The following TRPM2 variants were observed in gnomAD, a reference collection of about 807,000 sequenced individuals.
TRPM2 encodes the protein transient receptor potential cation channel subfamily M member 2.
A neutral mutation model predicts 174.0 loss-of-function variants in TRPM2; 161 were observed. The observed-to-expected ratio is 0.93, with a 90% CI of 0.81 to 1.05. The LOEUF is 1.05. Among genes scored for constraint, TRPM2 ranks in the 50% least tolerant of loss-of-function variants. The pLI, the probability that TRPM2 is intolerant of heterozygous loss-of-function variation, is 0.00. For missense variants in TRPM2, 2,057 were observed against 2,038.0 expected (o/e 1.01, Z -0.18); for synonymous variants, 954 against 861.3 (o/e 1.11, Z -1.88).
Position 44,439,155 on chromosome 21 carries a change from A to G in TRPM2, c.4256A>G (p.Lys1419Arg), listed in dbSNP as rs2051394144. The G allele has an allele frequency of 6.2e-7, 1 of 1,613,554 alleles. No homozygotes were observed. The highest frequency in any genetic ancestry group is 8.5e-7 in the Non-Finnish European group (1 of 1,179,702). Residue 1419 changes from lysine (K) to arginine (R), a missense_variant, in exon 30 of 32, where the codon AAG becomes AGG. Physicochemically the swap from Lys to Arg is conservative, Grantham distance 26. Transcript: ENST00000397928. The surrounding 1 kb of genome is among the most constrained non-coding windows in gnomAD (Gnocchi z 5.1). ...TGGCCGTCTTTTGAAAACTTGCTGA[A>G]GTGCGGCATGGAGGTATTCCTGGCC... ...EHWPSFENLL[K>R]CGMEVYKGYM...
At chr21:44,409,673 T>C (rs1333584547) in intron 19 of TRPM2, among the ~76,000 whole-genome samples, 11 of 30,060 alleles carry the variant, frequency 3.7e-4, no homozygotes, top group African/African-American at 6.8e-4. Flanking sequence ...ACTGTCTTGG[T>C]GTAGCCTTGT....
chr21:44,426,513 G>A (rs2050784541), intron 25 of TRPM2, 147 bp from the exon 26 acceptor site: 5 of 838,672 alleles, frequency 6.0e-6, no homozygotes, highest in Non-Finnish European at 9.8e-6. Context: ...CTGGCACCCG[G>A]ATCTGCCCAG....
rs147950813 is a variant in TRPM2 at position 44,406,764 on chromosome 21, C to A, written c.2961C>A (p.Asp987Glu). The A allele has an allele frequency of 1.6e-5, 25 of 1,598,134 alleles. No homozygotes were observed. Among genetic ancestry groups the A allele is most frequent in the Middle Eastern group, 2.3e-4 (1 of 4,440 alleles). Residue 987 changes from aspartate to glutamate, a missense_variant and splice_region_variant, in exon 19 of 32, where the codon GAC (aspartate) becomes GAA (glutamate). Coordinates refer to ENST00000397928, the MANE Select transcript of TRPM2 (RefSeq NM_003307.4). ...TCGGGCAGATCCCGGGCTACATCGA[C>A]GGTAGGAGCCGGGCGCCATGGGAGC... ...TIFGQIPGYI[D>E]GVNFNPEHCS...
chr21:44,356,345 G>A (rs573619185), intron 2 of TRPM2, among the ~76,000 whole-genome samples: 11 of 151,324 alleles, frequency 7.3e-5, no homozygotes, highest in Middle Eastern at 3.4e-3. Flanking sequence ...CTCCAGCCTC[G>A]GAGCTCACCC....
rs1601184551 is a variant in TRPM2, at chr21:44,409,583, GCA to G, written c.2962+2820_2962+2821del. ...CATAGCCTTGTAGTAAGTTTTGACC[GCA>G]CTGTCTTGGTTGGCGTAGCCTTGTA... On this transcript the variant is annotated intron_variant, in intron 19 of 31. Coordinates refer to ENST00000397928, the MANE Select transcript of TRPM2 (RefSeq NM_003307.4). Among the ~76,000 whole-genome samples the G allele has an allele frequency of 7.6e-5, 11 of 144,572 alleles. 1 individual carries two copies. Among genetic ancestry groups the G allele is most frequent in the East Asian group, 2.2e-4 (1 of 4,636 alleles). 94.8% of individuals were successfully genotyped at this position (144,572 alleles called of 152,430 possible).
chr21:44,398,639 G>A (rs533262761), intron 13 of TRPM2, among the ~76,000 whole-genome samples: 62 of 152,226 alleles, frequency 4.1e-4, no homozygotes, highest in African/African-American at 1.4e-3. Context: ...CACAGGGGTC[G>A]AAGTGGGTTC....
intron 27 of TRPM2, among the ~76,000 whole-genome samples, chr21:44,430,154 C>G (rs1195983769): frequency 1.3e-5 from 2 of 152,110 alleles, no homozygotes; most frequent in Non-Finnish European, 2.9e-5. Flanking sequence ...AGTTAATTTA[C>G]TAACATTTTA....
At chr21:44,435,854 T>C (rs868533177) in intron 28 of TRPM2, among the ~76,000 whole-genome samples, 131 of 71,276 alleles carry the variant, frequency 1.8e-3, no homozygotes, top group African/African-American at 4.8e-3. Flanking sequence ...CCCCTCAGAC[T>C]CACTCTCCAC....
rs113161087 is a variant in TRPM2, at chr21:44,399,032, A to G, written c.2063-264A>G. Among the ~76,000 whole-genome samples the G allele has an allele frequency of 6.6e-6, 1 of 152,086 alleles. No individual in the cohort carries two copies. The highest frequency in any genetic ancestry group is 6.5e-5 in the Admixed American group (1 of 15,276). Reference sequence around the variant, plus strand: ...GGGCAGCTTGGAGGTTAGAGGCAAGATGGAGTCCATTAGGTCAGTTCTCGG... The same window carrying G: ...GGGCAGCTTGGAGGTTAGAGGCAAGGTGGAGTCCATTAGGTCAGTTCTCGG... On this transcript the variant is annotated intron_variant, in intron 13 of 31. Transcript: ENST00000397928. This position sits in a 1 kb window ranked among gnomAD's most constrained non-coding sequence, Gnocchi z 4.6.
rs764403590 is a variant in TRPM2 at position 44,425,797 on chromosome 21, C to G, written c.3765C>G (p.Phe1255Leu). Residue 1255 changes from phenylalanine to leucine, a missense_variant, in exon 25 of 32, where the codon TTC becomes TTG. Transcript: ENST00000397928. ...ACCCCAACTGCCCTGTCACGCGCTT[C>G]CCCGTGCCCAACGAGAAGGTGCCCT... The part of the protein sequence containing the change: ...LLYPNCPVTR[F>L]PVPNEKVPWE... 1 of 1,581,854 alleles carries G rather than the reference C, an allele frequency of 6.3e-7. No individual in the cohort carries two copies. The highest frequency in any genetic ancestry group is 1.7e-5 in the Admixed American group (1 of 58,582).
chr21:44,365,183 G>T (rs111406792), intron 3 of TRPM2, among the ~76,000 whole-genome samples: 26,653 of 151,560 alleles, frequency 0.18, 2,306 homozygotes, highest in Non-Finnish European at 0.2. Context: ...AGACTTGCAT[G>T]TTGACCAGCC....
At position 44,417,775 on chromosome 21, in the gene TRPM2, T is replaced by C. The variant is rs369626245; in HGVS notation, c.3147-152T>C. The C allele has an allele frequency of 4.9e-3, 3,303 of 678,220 alleles. 32 individuals are homozygous for C. Among genetic ancestry groups the C allele is most frequent in the Middle Eastern group, 0.033 (83 of 2,516 alleles). The allele number at this position is 678,220 out of a possible 1,614,324, so 42.0% of individuals were successfully genotyped here. A position where few individuals can be genotyped will look rare whatever the true frequency, so the allele number is the denominator to read the frequency against. The stretch of plus-strand genomic sequence containing the variant: ...GCTCTCTGTGACATCACAGTGGGCA[T>C]GTGGGTGTGGCTCTGCTCTCTGTGG... On this transcript the variant is annotated intron_variant, in intron 20 of 31. Transcript: ENST00000397928.
At chr21:44,365,870 G>T (rs1407533985) in intron 3 of TRPM2, among the ~76,000 whole-genome samples, 1 of 152,246 alleles carries the variant, frequency 6.6e-6, no homozygotes, top group East Asian at 1.9e-4. Context: ...ACCTCCAGAT[G>T]CCTGGTGGAC....
chr21:44,397,002 G>T (rs2049448926), intron 12 of TRPM2, among the ~76,000 whole-genome samples: 1 of 151,412 alleles, frequency 6.6e-6, no homozygotes, highest in Admixed American at 6.6e-5. Flanking sequence ...GGGGCACCTG[G>T]AGTTGGAGAA....
intron 29 of TRPM2, 143 bp downstream of exon 29, chr21:44,437,310 G>A: frequency 2.9e-6 from 2 of 680,014 alleles, no homozygotes; most frequent in Non-Finnish European, 2.5e-6. Context: ...GACCCCGCCT[G>A]TTTTGTCTGT....
intron 7 of TRPM2, 135 bp from the exon 8 acceptor site, chr21:44,378,862 A>G (rs1260296006): frequency 1.0e-6 from 1 of 973,176 alleles, no homozygotes; most frequent in Non-Finnish European, 1.5e-6. Context: ...CACGAAACTA[A>G]TAAGTGCTTT....
chr21:44,354,607 T>C lies in TRPM2; in HGVS notation c.166-41T>C. ...TCTCCAGGGGGCTGGGTGTGCTCTT[T>C]CGAATGTTGGAAGATCTCAGTGTGC... On this transcript the variant is annotated intron_variant, in intron 1 of 31. Transcript: ENST00000397928. This position sits in a 1 kb window ranked among gnomAD's most constrained non-coding sequence, Gnocchi z 4.3. The C allele has an allele frequency of 3.8e-6, 6 of 1,579,506 alleles. No homozygotes were observed. The highest frequency in any genetic ancestry group is 4.4e-6 in the Non-Finnish European group (5 of 1,148,484).
At chr21:44,359,566 C>T (rs925357660) in intron 2 of TRPM2, among the ~76,000 whole-genome samples, 6 of 150,142 alleles carry the variant, frequency 4.0e-5, no homozygotes, top group Non-Finnish European at 8.9e-5. Flanking sequence ...CCATCTGGTT[C>T]AGGTTTCATC....
intron 11 of TRPM2, among the ~76,000 whole-genome samples, chr21:44,394,243 G>A (rs1167730843): frequency 6.6e-6 from 1 of 151,466 alleles, no homozygotes; most frequent in Non-Finnish European, 1.5e-5. Context: ...CGCTCAGTTG[G>A]AATATGCTTA....
Sources: allele counts gnomAD v4.1 joint callset (sites outside exome capture counted in the v4.1 genomes callset), GRCh38; gene constraint gnomAD v4.1.1; non-coding constraint Gnocchi (gnomAD v3.1); transcripts MANE v1.5; gene names NCBI Gene and HGNC (gene_info 2026-07-23, HGNC 2026-07-21).